PIPOX: variants seen among roughly 807,000 people sequenced by gnomAD.
PIPOX encodes peroxisomal sarcosine oxidase.
A neutral mutation model predicts 47.9 loss-of-function variants in PIPOX; 45 were observed. The observed-to-expected ratio is 0.94, with a 90% CI of 0.74 to 1.20. PIPOX has a LOEUF of 1.20. PIPOX is among the 50% of genes most tolerant of loss of function. PIPOX has a pLI of 0.00. For synonymous variants in PIPOX, 165 were observed against 191.3 expected (o/e 0.86, Z 1.13); for missense variants, 458 against 498.4 (o/e 0.92, Z 0.77).
At chr17:29,051,786 C>T (rs891258729) in intron 2 of PIPOX, among the ~76,000 whole-genome samples, 3 of 152,132 alleles carry the variant, frequency 2.0e-5, no homozygotes, top group Non-Finnish European at 2.9e-5. Flanking sequence ...ATGAGAACAC[C>T]ACTGGAATTT....
intron 1 of PIPOX, 142 bp from the exon 2 acceptor site, chr17:29,044,717 G>A: frequency 4.8e-6 from 4 of 840,902 alleles, no homozygotes; most frequent in Non-Finnish European, 7.1e-6. Flanking sequence ...ATCTTCCTGT[G>A]CATAATCCTT....
At chr17:29,049,513 A>C (rs536762057) in intron 2 of PIPOX, among the ~76,000 whole-genome samples, 2 of 152,324 alleles carry the variant, frequency 1.3e-5, no homozygotes, top group East Asian at 1.9e-4. Flanking sequence ...ATGATTTTCA[A>C]TCTGCCCATG....
chr17:29,050,976 GC>G, intron 2 of PIPOX, among the ~76,000 whole-genome samples: 1 of 152,174 alleles, frequency 6.6e-6, no homozygotes, highest in African/African-American at 2.4e-5. Context: ...ACAAAAATGA[GC>G]CGGGTGTGGT....
At chr17:29,049,254 C>T (rs2065796646) in intron 2 of PIPOX, among the ~76,000 whole-genome samples, 2 of 152,160 alleles carry the variant, frequency 1.3e-5, no homozygotes, top group Admixed American at 1.3e-4. Flanking sequence ...TCTAGGGTTC[C>T]CTGGCAACCC....
In PIPOX at chr17:29,043,299, AC is replaced by A. The variant is rs1568017586; in HGVS notation, c.76del (p.Leu26TrpfsTer29). ...AGIQGCFTAY[H>X]LAKHRKRILL... ...ATCCAGGGCTGCTTCACTGCATACCACCTGGCCAAACACAGGAAGAGGATCC... is the reference window on the plus strand; with the variant it reads ...ATCCAGGGCTGCTTCACTGCATACCACTGGCCAAACACAGGAAGAGGATCC... On this transcript the variant is annotated frameshift_variant, in exon 1 of 8. Transcript: ENST00000323372. LOFTEE classifies it high-confidence loss of function. 6.2e-7 allele frequency: 1 copy of A among 1,613,782 alleles called. No individual in the cohort carries two copies. The highest frequency in any genetic ancestry group is 2.2e-5 in the East Asian group (1 of 44,870).
chr17:29,052,841 G>A, intron 2 of PIPOX, 79 bp from the exon 3 acceptor site: 1 of 1,235,014 alleles, frequency 8.1e-7, no homozygotes, highest in Non-Finnish European at 1.2e-6. Flanking sequence ...CTGAAGTGCT[G>A]GGATTACAGG....
Position 29,055,866 on chromosome 17 carries a change from T to G in PIPOX, c.1020T>G (p.Ile340Met), listed in dbSNP as rs766739384. ...ATCGCCACCCAAAGTATGACAACAT[T>G]GTCATTGGTGCTGGATTCTCTGGTG... The part of the protein sequence containing the change: ...ILDRHPKYDN[I>M]VIGAGFSGHG... Residue 340 changes from isoleucine (I) to methionine (M), a missense_variant, in exon 7 of 8, where the codon ATT becomes ATG. Coordinates refer to ENST00000323372, the MANE Select transcript of PIPOX (RefSeq NM_016518.3). 2 of 1,613,930 alleles carry G rather than the reference T, an allele frequency of 1.2e-6. No individual in the cohort carries two copies. Among genetic ancestry groups the G allele is most frequent in the Middle Eastern group, 1.7e-4 (1 of 6,058 alleles).
In PIPOX at chr17:29,045,004, A is replaced by G. The variant is rs1439140867; in HGVS notation, c.260A>G (p.His87Arg). The G allele has an allele frequency of 6.3e-7, 1 of 1,599,562 alleles. No individual in the cohort carries two copies. The highest frequency in any genetic ancestry group is 8.5e-7 in the Non-Finnish European group (1 of 1,172,012). ...GAGCACGAGGCTGGAACCCAATTGC[A>G]CAGGTGGGCTGTGGGAGGAATTCCT... The part of the protein sequence containing the change: ...QLEHEAGTQL[H>R]RQTGLLLLGM... Residue 87 changes from histidine to arginine, a missense_variant, in exon 2 of 8, where the codon CAC becomes CGC. Physicochemically the swap from His to Arg is conservative, Grantham distance 29. Transcript: ENST00000323372.
intron 5 of PIPOX, 119 bp from the exon 6 acceptor site, chr17:29,054,944 A>G (rs2065821324): frequency 1.5e-6 from 2 of 1,367,080 alleles, no homozygotes; most frequent in Non-Finnish European, 2.0e-6. Flanking sequence ...AGCACCTGCC[A>G]GGAGTGGGGA....
At chr17:29,046,745 C>T in intron 2 of PIPOX, 1 of 985,266 alleles carries the variant, frequency 1.0e-6, no homozygotes, top group Non-Finnish European at 1.2e-6. Context: ...TCCTCTTTGC[C>T]AGGAGGACAG....
At position 29,053,438 on chromosome 17, in the gene PIPOX, TAG is replaced by T. The variant is rs748426930; in HGVS notation, c.504_505del (p.Val169AlafsTer2). 1 of 1,613,388 alleles carries T rather than the reference TAG, an allele frequency of 6.2e-7. No homozygotes were observed. Among genetic ancestry groups the T allele is most frequent in the South Asian group, 1.1e-5 (1 of 91,008 alleles). ...GATGCAATTCGACAGCTAGGAGGCA[TAG>T]TGCGTGACGGAGAGAAGGTGGTGGA... On this transcript the variant is annotated frameshift_variant, in exon 4 of 8. Transcript: ENST00000323372. LOFTEE classifies it high-confidence loss of function.
intron 2 of PIPOX, among the ~76,000 whole-genome samples, chr17:29,051,142 A>G (rs2065804651): frequency 6.6e-6 from 1 of 152,152 alleles, no homozygotes; most frequent in Non-Finnish European, 1.5e-5. Context: ...AAAGTTTACT[A>G]GGTAAGTTTT....
intron 2 of PIPOX, among the ~76,000 whole-genome samples, chr17:29,050,811 T>G: frequency 7.0e-6 from 1 of 142,436 alleles, no homozygotes; most frequent in Non-Finnish European, 1.5e-5. Flanking sequence ...GGTGATAGAG[T>G]GAGACCCCAT....
At chr17:29,044,790 T>C in intron 1 of PIPOX, 69 bp from the exon 2 acceptor site, 1 of 1,480,276 alleles carries the variant, frequency 6.8e-7, no homozygotes, top group East Asian at 2.3e-5. Flanking sequence ...CATGCTGATA[T>C]GGCTCTTAAC....
chr17:29,054,950 G>A, intron 5 of PIPOX, 113 bp from the exon 6 acceptor site: 1 of 1,413,126 alleles, frequency 7.1e-7, no homozygotes, highest in Non-Finnish European at 9.8e-7. Flanking sequence ...TGCCAGGAGT[G>A]GGGAAGGCTG....
rs1470720992 is a variant in PIPOX at position 29,052,957 on chromosome 17, C to A, written c.301C>A (p.Gln101Lys). The A allele has an allele frequency of 1.2e-6, 2 of 1,614,234 alleles. No homozygotes were observed. The highest frequency in any genetic ancestry group is 1.7e-6 in the Non-Finnish European group (2 of 1,180,038). ...GLLLLGMKENQELKTIQANLS... is the reference protein window; with the variant it reads ...GLLLLGMKENKELKTIQANLS... ...ACTGCTGCTGGGAATGAAAGAGAAT[C>A]AAGAATTAAAGACAATCCAGGCCAA... Residue 101 changes from glutamine to lysine, a missense_variant, in exon 3 of 8, where the codon CAA (glutamine) becomes AAA (lysine). By Grantham distance (53) the Gln-to-Lys change is moderately conservative. Transcript: ENST00000323372.
chr17:29,048,132 C>T (rs1219790270), intron 2 of PIPOX, among the ~76,000 whole-genome samples: 1 of 152,222 alleles, frequency 6.6e-6, no homozygotes, highest in Non-Finnish European at 1.5e-5. Flanking sequence ...AGAGCAGATA[C>T]TTCCCATTCT....
intron 6 of PIPOX, among the ~76,000 whole-genome samples, chr17:29,055,505 T>C (rs1236000422): frequency 6.6e-6 from 1 of 152,210 alleles, no homozygotes; most frequent in East Asian, 1.9e-4. Flanking sequence ...GCTCCTCCAG[T>C]TGAGCAGGCC....
rs2065825417 is a variant in PIPOX at position 29,055,816 on chromosome 17, A to G, written c.970A>G (p.Thr324Ala). The G allele has an allele frequency of 6.2e-7, 1 of 1,613,258 alleles. No individual in the cohort carries two copies. The highest frequency in any genetic ancestry group is 8.5e-7 in the Non-Finnish European group (1 of 1,179,326). Reference sequence around the variant, plus strand: ...AGGTGTGACTGTTTCTTTCTAGAATACCCCTGATGAGCAGTTCATTCTCGA... The same window carrying G: ...AGGTGTGACTGTTTCTTTCTAGAATGCCCCTGATGAGCAGTTCATTCTCGA... ...AVIESCMYTN[T>A]PDEQFILDRH... Residue 324 changes from threonine (T) to alanine (A), a missense_variant, in exon 7 of 8, where the codon ACC becomes GCC. Thr to Ala is a moderately conservative substitution (Grantham distance 58). Coordinates refer to ENST00000323372, the MANE Select transcript of PIPOX (RefSeq NM_016518.3).
Sources: allele counts gnomAD v4.1 joint callset (sites outside exome capture counted in the v4.1 genomes callset), GRCh38; gene constraint gnomAD v4.1.1; transcripts MANE v1.5; gene names NCBI Gene and HGNC (gene_info 2026-07-23, HGNC 2026-07-21).